FLRT1: variants seen among roughly 807,000 people sequenced by gnomAD.
FLRT1 encodes leucine-rich repeat transmembrane protein FLRT1.
Under a neutral mutation model 30.9 loss-of-function variants are expected in FLRT1, and 14 were observed. The ratio of observed to expected loss-of-function variants is 0.45; its 90% CI spans 0.30 to 0.71. The LOEUF is 0.71. Among genes scored for constraint, FLRT1 ranks in the 30% least tolerant of loss-of-function variants. FLRT1 has a pLI of 0.08. For synonymous variants in FLRT1, 368 were observed against 430.4 expected, an observed-to-expected ratio of 0.85 and a Z score of 1.80; for missense variants, 737 against 949.2, an observed-to-expected ratio of 0.78 and a Z score of 2.94.
chr11:64,056,341 C>T (rs1306335054), intron 1 of FLRT1, among the ~76,000 whole-genome samples: 1 of 152,160 alleles, frequency 6.6e-6, no homozygotes, highest in Non-Finnish European at 1.5e-5. Context: ...TACCCCGCCA[C>T]TCCCCGCCCA....
intron 1 of FLRT1, among the ~76,000 whole-genome samples, chr11:64,046,205 G>T (rs1184801149): frequency 6.6e-6 from 1 of 152,146 alleles, no homozygotes; most frequent in Non-Finnish European, 1.5e-5. Flanking sequence ...CAGAGCAGCC[G>T]ACTCCCACTG....
chr11:64,063,586 G>A (rs1296893590), intron 1 of FLRT1, among the ~76,000 whole-genome samples: 5 of 152,182 alleles, frequency 3.3e-5, no homozygotes, highest in African/African-American at 9.7e-5. Flanking sequence ...CTTCCCCGGC[G>A]TCTCTTCCTG....
intron 1 of FLRT1, among the ~76,000 whole-genome samples, chr11:64,077,494 C>T (rs1181206654): frequency 6.6e-6 from 1 of 151,926 alleles, no homozygotes; most frequent in East Asian, 1.9e-4. Flanking sequence ...TACTGATGGG[C>T]ATTTGTGGAG....
chr11:64,094,731 T>C lies in FLRT1; in HGVS notation c.-1037-8463T>C, dbSNP rs149588693. On this transcript the variant is annotated intron_variant, in intron 1 of 2. Coordinates refer to ENST00000682287, the MANE Select transcript of FLRT1 (RefSeq NM_013280.5). The stretch of plus-strand genomic sequence containing the variant: ...GCTGACCACAGAGGCCAGAGGCCTC[T>C]CAATGCTGACCCCTATCTACCAGGA... Among the ~76,000 whole-genome samples, 23 of 152,314 alleles carry C rather than the reference T, an allele frequency of 1.5e-4. No homozygotes were observed. The East Asian group carries it at 4.1e-3, about 27-fold the overall frequency.
At chr11:64,109,503 G>T (rs775500460) in intron 2 of FLRT1, among the ~76,000 whole-genome samples, 2 of 152,194 alleles carry the variant, frequency 1.3e-5, no homozygotes, top group Non-Finnish European at 2.9e-5. Context: ...CTGCAGAGGG[G>T]GTGGAAAGGG....
At chr11:64,112,296 G>A (rs1047888258) in intron 2 of FLRT1, among the ~76,000 whole-genome samples, 2 of 152,126 alleles carry the variant, frequency 1.3e-5, no homozygotes, top group African/African-American at 2.4e-5. Context: ...GGTGGATCAC[G>A]AGGTCAAGAG....
At chr11:64,091,468 G>A (rs1391742470) in intron 1 of FLRT1, among the ~76,000 whole-genome samples, 1 of 151,654 alleles carries the variant, frequency 6.6e-6, no homozygotes, top group Non-Finnish European at 1.5e-5. Context: ...GGTGGATGTG[G>A]GGGACGAGCC....
At chr11:64,070,735 C>T (rs1944093441) in intron 1 of FLRT1, among the ~76,000 whole-genome samples, 1 of 152,210 alleles carries the variant, frequency 6.6e-6, no homozygotes, top group South Asian at 2.1e-4. Flanking sequence ...GCTGCCTGCT[C>T]CTCCCGCTGC....
intron 1 of FLRT1, among the ~76,000 whole-genome samples, chr11:64,070,190 G>A (rs1277389986): frequency 6.6e-6 from 1 of 152,180 alleles, no homozygotes; most frequent in African/African-American, 2.4e-5. Flanking sequence ...AGCTGGTTGG[G>A]CGACAGAGAT....
At chr11:64,061,749 G>C (rs1943907651) in intron 1 of FLRT1, among the ~76,000 whole-genome samples, 1 of 151,330 alleles carries the variant, frequency 6.6e-6, no homozygotes. Context: ...ACCCAAGCTG[G>C]AGTGCAATGG....
At chr11:64,085,116 G>T (rs1944371094) in intron 1 of FLRT1, among the ~76,000 whole-genome samples, 2 of 152,226 alleles carry the variant, frequency 1.3e-5, no homozygotes, top group African/African-American at 4.8e-5. Flanking sequence ...CCCATGCAGT[G>T]GGGCACCAGG....
At chr11:64,088,306 C>A (rs1487376393) in intron 1 of FLRT1, among the ~76,000 whole-genome samples, 4 of 152,142 alleles carry the variant, frequency 2.6e-5, no homozygotes, top group Non-Finnish European at 5.9e-5. Flanking sequence ...CGTCACTAGG[C>A]TCGGTGGCCA....
intron 2 of FLRT1, among the ~76,000 whole-genome samples, chr11:64,105,822 T>A (rs1185273282): frequency 6.6e-6 from 1 of 152,112 alleles, no homozygotes; most frequent in African/African-American, 2.4e-5. Context: ...TGCCCACAGC[T>A]GCGGGAGGGC....
In FLRT1 at chr11:64,118,286, C is replaced by T; in HGVS notation, c.2019C>T (p.Tyr673=). 1 of 1,561,888 alleles carries T rather than the reference C, an allele frequency of 6.4e-7. No homozygotes were observed. The highest frequency in any genetic ancestry group is 8.7e-7 in the Non-Finnish European group (1 of 1,148,006). Residue 673 remains tyrosine, a synonymous_variant, in exon 3 of 3, where the codon TAC becomes TAT. Coordinates refer to ENST00000682287, the MANE Select transcript of FLRT1 (RefSeq NM_013280.5). ...DGGIPDIDYS[Y]T ...GCATCCCCGACATAGACTACTCCTACACATGATGCCCGCCCACCCGGGCTG... is the reference window on the plus strand; with the variant it reads ...GCATCCCCGACATAGACTACTCCTATACATGATGCCCGCCCACCCGGGCTG...
At chr11:64,114,004 GTGGATGCA>G (rs1171603476) in intron 2 of FLRT1, among the ~76,000 whole-genome samples, 1 of 124,608 alleles carries the variant, frequency 8.0e-6, no homozygotes. Context: ...GAATGGACAG[GTGGATGCA>G]TGGATGGATG....
intron 1 of FLRT1, among the ~76,000 whole-genome samples, chr11:64,045,774 G>C (rs557644816): frequency 6.6e-6 from 1 of 152,314 alleles, no homozygotes; most frequent in East Asian, 1.9e-4. Context: ...GGGATGAGAA[G>C]GAATTCAGAA....
intron 1 of FLRT1, among the ~76,000 whole-genome samples, chr11:64,042,126 ACAGATGTGCAC>A (rs1413673216): frequency 6.6e-6 from 1 of 152,008 alleles, no homozygotes; most frequent in African/African-American, 2.4e-5. Flanking sequence ...GGAGGGGGAG[ACAGATGTGCAC>A]CACGCTCACA....
At chr11:64,077,429 T>C (rs1015569118) in intron 1 of FLRT1, among the ~76,000 whole-genome samples, 10 of 152,130 alleles carry the variant, frequency 6.6e-5, no homozygotes, top group South Asian at 2.1e-4. Context: ...CCTCGGATTT[T>C]CCCCCCAAGC....
At chr11:64,041,967 T>C (rs1316320201) in intron 1 of FLRT1, among the ~76,000 whole-genome samples, 1 of 152,196 alleles carries the variant, frequency 6.6e-6, no homozygotes, top group African/African-American at 2.4e-5. Flanking sequence ...TGCCCCACCC[T>C]GAGTGGGGAC....
Sources: gnomAD v4.1 joint callset for allele counts (sites outside exome capture counted in the v4.1 genomes callset) on GRCh38, gnomAD v4.1.1 for gene constraint, MANE v1.5 for transcripts, NCBI Gene and HGNC (gene_info 2026-07-23, HGNC 2026-07-21) for gene names.